LRCH1: variants seen among roughly 807,000 people sequenced by gnomAD.
LRCH1 encodes leucine rich repeats and calponin homology domain containing 1.
In LRCH1, 23 loss-of-function variants were observed where a neutral mutation model predicts 94.9. The observed-to-expected ratio is 0.24, with a 90% CI of 0.17 to 0.34. LRCH1 has a LOEUF of 0.34. Among genes scored for constraint, LRCH1 ranks in the 10% least tolerant of loss-of-function variants. The pLI is 1.00. For synonymous variants in LRCH1, 364 were observed against 354.9 expected, an observed-to-expected ratio of 1.03 and a Z score of -0.29; for missense variants, 790 against 945.9, an observed-to-expected ratio of 0.84 and a Z score of 2.16.
intron 16 of LRCH1, among the ~76,000 whole-genome samples, chr13:46,716,354 A>C (rs1872319411): frequency 6.6e-6 from 1 of 152,212 alleles, no homozygotes; most frequent in Admixed American, 6.5e-5. Context: ...AGATTACAAT[A>C]AAACATAATT....
intron 1 of LRCH1, among the ~76,000 whole-genome samples, chr13:46,597,088 G>A (rs991791512): frequency 2.6e-5 from 4 of 152,162 alleles, no homozygotes; most frequent in Non-Finnish European, 4.4e-5. Context: ...AAATGTATTT[G>A]TAAGCCCCAA....
intron 11 of LRCH1, among the ~76,000 whole-genome samples, chr13:46,704,673 G>A (rs1266187676): frequency 1.3e-5 from 2 of 151,910 alleles, no homozygotes; most frequent in African/African-American, 4.8e-5. Flanking sequence ...GAGATATAAT[G>A]TATATCTCCC....
At position 46,572,151 on chromosome 13, in the gene LRCH1, C is replaced by G. The variant is rs544315548; in HGVS notation, c.307+18448C>G. 4.6e-4 allele frequency among the ~76,000 whole-genome samples: 70 copies of G among 152,356 alleles called. 1 individual carries two copies. In the East Asian group the frequency reaches 0.012, roughly 26 times the overall value. ...AGGGCTGAGGCCATTCCCTGCACTC[C>G]TCTTCCTACTTGTACCCCCACTGCA... On this transcript the variant is annotated intron_variant, in intron 1 of 19. Coordinates refer to ENST00000389797, the MANE Select transcript of LRCH1 (RefSeq NM_001164211.2).
intron 16 of LRCH1, 121 bp downstream of exon 16, chr13:46,715,785 A>G (rs1427018262): frequency 7.5e-6 from 5 of 671,062 alleles, no homozygotes; most frequent in Non-Finnish European, 2.6e-6. Flanking sequence ...TATGAGAAAT[A>G]ATGTGTAAGC....
In LRCH1 at chr13:46,712,516, A is replaced by G; in HGVS notation, c.1582-9A>G. ...TTTTTCCTAATTTCCTTTCCTTCCA[A>G]CACCACAGATTAGAGAGAACTCCCC... is the stretch of plus-strand genomic sequence containing the variant. On this transcript the variant is annotated splice_polypyrimidine_tract_variant and intron_variant, in intron 14 of 19. Transcript: ENST00000389797. 6.2e-7 allele frequency: 1 copy of G among 1,608,936 alleles called. No individual in the cohort carries two copies. Among genetic ancestry groups the G allele is most frequent in the South Asian group, 1.1e-5 (1 of 90,798 alleles).
intron 3 of LRCH1, among the ~76,000 whole-genome samples, 189 bp from the exon 4 acceptor site, chr13:46,681,552 G>A (rs565911164): frequency 6.6e-6 from 1 of 152,312 alleles, no homozygotes; most frequent in African/African-American, 2.4e-5. Flanking sequence ...TTTCTCTCCT[G>A]TGAGGGAGTT....
chr13:46,589,593 C>CTTTTTTTTT (rs762747151), intron 1 of LRCH1, among the ~76,000 whole-genome samples: 6 of 77,704 alleles, frequency 7.7e-5, no homozygotes, highest in Admixed American at 1.7e-4. Flanking sequence ...AGTTCTCTCA[C>CTTTTTTTTT]TTTTTTTTTT....
chr13:46,684,466 T>C (rs1196693276), intron 4 of LRCH1, among the ~76,000 whole-genome samples: 2 of 152,216 alleles, frequency 1.3e-5, no homozygotes, highest in Non-Finnish European at 2.9e-5. Flanking sequence ...CCTCTAGTCT[T>C]GCTTTGAAGT....
At chr13:46,561,302 C>T (rs914270311) in intron 1 of LRCH1, among the ~76,000 whole-genome samples, 1 of 152,140 alleles carries the variant, frequency 6.6e-6, no homozygotes, top group African/African-American at 2.4e-5. Context: ...TGTTTTTCTT[C>T]CTTCTGCTGT....
At chr13:46,594,188 C>G (rs2050532897) in intron 1 of LRCH1, among the ~76,000 whole-genome samples, 1 of 151,726 alleles carries the variant, frequency 6.6e-6, no homozygotes. Context: ...TATTGTCTTT[C>G]CATTTCTTAC....
intron 1 of LRCH1, among the ~76,000 whole-genome samples, chr13:46,606,460 A>G (rs1212582891): frequency 1.3e-5 from 2 of 152,164 alleles, no homozygotes; most frequent in Non-Finnish European, 2.9e-5. Context: ...GGTGATATTT[A>G]TAGCATTTCC....
chr13:46,734,822 A>G (rs1294965934), intron 19 of LRCH1, among the ~76,000 whole-genome samples: 2 of 152,202 alleles, frequency 1.3e-5, no homozygotes, highest in African/African-American at 2.4e-5. Context: ...TTCTTTCTTA[A>G]TGCCCCAGGG....
intron 1 of LRCH1, among the ~76,000 whole-genome samples, chr13:46,575,348 C>T (rs1181182801): frequency 2.0e-5 from 3 of 152,020 alleles, no homozygotes; most frequent in African/African-American, 7.3e-5. Context: ...CCACAAGATG[C>T]GTGTGTGATT....
intron 1 of LRCH1, among the ~76,000 whole-genome samples, chr13:46,639,582 T>C (rs907924943): frequency 2.6e-5 from 4 of 152,162 alleles, no homozygotes; most frequent in Non-Finnish European, 4.4e-5. Flanking sequence ...AGTGGAAAGT[T>C]TCTGAGACCT....
chr13:46,741,592 T>G (rs988939043), intron 19 of LRCH1, 50 bp from the exon 20 acceptor site: 1 of 1,609,410 alleles, frequency 6.2e-7, no homozygotes, highest in African/African-American at 1.3e-5. Context: ...CCGTGTATTT[T>G]TAATTGTATG....
chr13:46,602,768 C>T (rs112489710), intron 1 of LRCH1, among the ~76,000 whole-genome samples: 65 of 152,224 alleles, frequency 4.3e-4, no homozygotes, highest in African/African-American at 1.5e-3. Flanking sequence ...GATTGGGCAA[C>T]ATGGTAAAAC....
chr13:46,743,003 G>C lies in LRCH1; in HGVS notation c.*1155G>C. 6 of 985,336 alleles carry C rather than the reference G, an allele frequency of 6.1e-6. No homozygotes were observed. The highest frequency in any genetic ancestry group is 7.2e-6 in the Non-Finnish European group (6 of 829,876). 61.0% of individuals were successfully genotyped at this position (985,336 alleles called of 1,614,324 possible). The stretch of plus-strand genomic sequence containing the variant: ...AGTTTGCATTTAAAAGGAAAAAAAA[G>C]AATTTTATCTTAGCCAGAATGTCCC... On this transcript the variant is annotated 3_prime_UTR_variant, in exon 20 of 20. Coordinates refer to ENST00000389797, the MANE Select transcript of LRCH1 (RefSeq NM_001164211.2).
chr13:46,657,150 C>T (rs957079666), intron 2 of LRCH1, among the ~76,000 whole-genome samples: 5 of 102,686 alleles, frequency 4.9e-5, no homozygotes, highest in Non-Finnish European at 8.2e-5. Flanking sequence ...ATACCCACTC[C>T]TAATTCAATT....
At chr13:46,716,433 A>T (rs1566245837) in intron 16 of LRCH1, among the ~76,000 whole-genome samples, 1 of 152,206 alleles carries the variant, frequency 6.6e-6, no homozygotes, top group African/African-American at 2.4e-5. Context: ...TCTCTGAAAT[A>T]TTCAAATTTT....
Sources: allele counts gnomAD v4.1 joint callset (sites outside exome capture counted in the v4.1 genomes callset), GRCh38; gene constraint gnomAD v4.1.1; transcripts MANE v1.5; gene names NCBI Gene and HGNC (gene_info 2026-07-23, HGNC 2026-07-21).